The following LAMC3 variants were observed in gnomAD, a reference collection of about 807,000 sequenced individuals.
LAMC3 encodes the protein laminin subunit gamma 3.
In LAMC3, 128 loss-of-function variants were observed where a neutral mutation model predicts 173.8. The ratio of observed to expected loss-of-function variants is 0.74; its 90% confidence interval spans 0.64 to 0.85. The LOEUF is 0.85. Ranked by LOEUF, LAMC3 falls within the 40% of genes least tolerant of loss-of-function variation. The probability of loss-of-function intolerance (pLI) is 0.00; values close to 1 mark genes in which losing one functional copy is unlikely to be tolerated. For missense variants in LAMC3, 2,022 were observed against 2,156.0 expected (o/e 0.94, Z 1.23); for synonymous variants, 897 against 909.1 (o/e 0.99, Z 0.24).
intron 1 of LAMC3, among the ~76,000 whole-genome samples, chr9:131,012,198 TC>T (rs201632911): frequency 0.01 from 1,571 of 152,278 alleles, 13 homozygotes; most frequent in Middle Eastern, 0.02. Flanking sequence ...ACCTCCTCTG[TC>T]CTGTGCTCTG....
At position 131,066,995 on chromosome 9, in the gene LAMC3, G is replaced by T. The variant is rs1394430002; in HGVS notation, c.2383G>T (p.Gly795Trp). 1 of 1,613,922 alleles carries T rather than the reference G, an allele frequency of 6.2e-7. No homozygotes were observed. Among genetic ancestry groups the T allele is most frequent in the South Asian group, 1.1e-5 (1 of 91,078 alleles). Residue 795 changes from glycine (G) to tryptophan (W), a missense_variant, in exon 14 of 28, where the codon GGG becomes TGG. Transcript: ENST00000361069. ...RCEVCDDGFF[G>W]DPLGLFGHPQ... ...TGAGGTCTGTGATGATGGCTTTTTT[G>T]GGGACCCGCTGGGGCTCTTTGGGCA...
intron 11 of LAMC3, among the ~76,000 whole-genome samples, chr9:131,056,307 G>A (rs139409461): frequency 7.2e-5 from 11 of 152,140 alleles, no homozygotes; most frequent in Admixed American, 2.0e-4. Flanking sequence ...TTTCCTACAC[G>A]CCATCCTCCA....
At chr9:131,053,223 G>T (rs982400547) in intron 11 of LAMC3, among the ~76,000 whole-genome samples, 6 of 152,192 alleles carry the variant, frequency 3.9e-5, no homozygotes, top group Non-Finnish European at 7.3e-5. Context: ...TCAGAGGCAG[G>T]TGTGCGGCCA....
chr9:131,014,660 C>G (rs1024160055), intron 1 of LAMC3, among the ~76,000 whole-genome samples: 3 of 152,148 alleles, frequency 2.0e-5, no homozygotes, highest in African/African-American at 4.8e-5. Context: ...GTTGGTCAGG[C>G]GAATGAATGG....
intron 1 of LAMC3, among the ~76,000 whole-genome samples, chr9:131,016,247 G>A (rs1443427109): frequency 6.6e-6 from 1 of 152,152 alleles, no homozygotes; most frequent in South Asian, 2.1e-4. Flanking sequence ...CCAGGGGCTG[G>A]GGGAGGGGCA....
intron 15 of LAMC3, 77 bp from the exon 16 acceptor site, chr9:131,068,831 G>T (rs1829989327): frequency 5.8e-6 from 9 of 1,562,970 alleles, no homozygotes; most frequent in Non-Finnish European, 7.9e-6. Flanking sequence ...TGAGGCCCCA[G>T]CCAGCTGCAG....
At chr9:131,071,964 C>T (rs190689952) in intron 18 of LAMC3, among the ~76,000 whole-genome samples, 3 of 152,180 alleles carry the variant, frequency 2.0e-5, no homozygotes, top group East Asian at 1.9e-4. Context: ...GCACGGTGCT[C>T]AGCACATAGA....
chr9:131,087,894 C>A, intron 27 of LAMC3, 77 bp downstream of exon 27: 1 of 1,135,742 alleles, frequency 8.8e-7, no homozygotes, highest in Non-Finnish European at 1.3e-6. Context: ...GAGCTCCAGT[C>A]CTGGGGAAGA....
At chr9:131,059,364 T>C (rs1027768321) in intron 12 of LAMC3, among the ~76,000 whole-genome samples, 6 of 150,556 alleles carry the variant, frequency 4.0e-5, no homozygotes, top group East Asian at 2.0e-4. Flanking sequence ...TGGTGGCGGG[T>C]GCCTGTAATC....
chr9:131,009,186 C>CAGAGCGCGCGGCGTCGGT lies in LAMC3; in HGVS notation c.-28_-11dup. 1 of 1,182,992 alleles carries CAGAGCGCGCGGCGTCGGT rather than the reference C, an allele frequency of 8.5e-7. No individual in the cohort carries two copies. 73.3% of individuals were successfully genotyped at this position (1,182,992 alleles called of 1,614,324 possible). On this transcript the variant is annotated 5_prime_UTR_variant, in exon 1 of 28. Transcript: ENST00000361069. The surrounding 1 kb of genome is among the most constrained non-coding windows in gnomAD (Gnocchi z 4.3). ...GCCCACCCTAGCCGAGCGGGGCCGG[C>CAGAGCGCGCGGCGTCGGT]AGAGCGCGCGGCGTCGGTGCCCTTG...
At chr9:131,067,948 TCTGAATCTGGG>T in intron 14 of LAMC3, 119 bp from the exon 15 acceptor site, 1 of 1,008,772 alleles carries the variant, frequency 9.9e-7, no homozygotes, top group Non-Finnish European at 1.5e-6. Context: ...AGCAGTGGCG[TCTGAATCTGGG>T]CTGAATGTGC....
chr9:131,023,669 G>A (rs569162946), intron 1 of LAMC3, among the ~76,000 whole-genome samples: 3 of 152,064 alleles, frequency 2.0e-5, no homozygotes, highest in Admixed American at 6.5e-5. Flanking sequence ...GTGCAGTGGC[G>A]TGATCATGGC....
chr9:131,039,004 C>G lies in LAMC3; in HGVS notation c.1117C>G (p.His373Asp), dbSNP rs536941678. 3 of 1,613,682 alleles carry G rather than the reference C, an allele frequency of 1.9e-6. No individual in the cohort carries two copies. The East Asian group carries it at 6.7e-5, about 36-fold the overall frequency. Residue 373 changes from histidine (H) to aspartate (D), a missense_variant, in exon 5 of 28, where the codon CAC becomes GAC. Coordinates refer to ENST00000361069, the MANE Select transcript of LAMC3 (RefSeq NM_006059.4). ...HCERCQENFY[H>D]WDPRMPCQPC... is the part of the protein sequence containing the mutation. ...TGAGCGCTGTCAGGAGAATTTCTAT[C>G]ACTGGGACCCGCGGATGCCATGCCA...
chr9:131,085,768 G>A (rs1329924384), intron 25 of LAMC3, 45 bp downstream of exon 25: 1 of 1,589,836 alleles, frequency 6.3e-7, no homozygotes, highest in East Asian at 2.2e-5. Context: ...TCCCTCCCGG[G>A]GGGACCGCCC....
At chr9:131,068,300 C>T (rs1829977505) in intron 15 of LAMC3, 69 bp downstream of exon 15, 2 of 1,514,342 alleles carry the variant, frequency 1.3e-6, no homozygotes, top group African/African-American at 1.4e-5. Context: ...GGGCAGCCCC[C>T]AGGGAGGGGC....
At chr9:131,083,648 C>T (rs537850888) in intron 24 of LAMC3, among the ~76,000 whole-genome samples, 1 of 152,266 alleles carries the variant, frequency 6.6e-6, no homozygotes, top group South Asian at 2.1e-4. Context: ...AAACCTGCTT[C>T]ACTTTCAACT....
In LAMC3 at chr9:131,085,517, T is replaced by G; in HGVS notation, c.4031-7T>G. The stretch of plus-strand genomic sequence containing the variant: ...TTCCCCTGACCCAGCCTCAGCCGGG[T>G]TTGCAGGAATGAAGCTGCAGTTTCC... On this transcript the variant is annotated splice_region_variant and splice_polypyrimidine_tract_variant and intron_variant, in intron 24 of 27. Transcript: ENST00000361069. 1.2e-6 allele frequency: 2 copies of G among 1,613,488 alleles called. No individual in the cohort carries two copies. Among genetic ancestry groups the G allele is most frequent in the African/African-American group, 2.7e-5 (2 of 74,970 alleles).
chr9:131,059,512 A>G (rs1211532683), intron 12 of LAMC3, among the ~76,000 whole-genome samples: 1 of 139,444 alleles, frequency 7.2e-6, no homozygotes, highest in African/African-American at 2.8e-5. Context: ...AAAAAAAAAA[A>G]AAAAAAAGAC....
intron 1 of LAMC3, among the ~76,000 whole-genome samples, chr9:131,024,290 C>T (rs1224960515): frequency 2.0e-5 from 3 of 151,930 alleles, no homozygotes; most frequent in Admixed American, 1.3e-4. Context: ...GGATTACAGG[C>T]GCCCACCACC....
Sources: allele counts gnomAD v4.1 joint callset (sites outside exome capture counted in the v4.1 genomes callset), GRCh38; gene constraint gnomAD v4.1.1; non-coding constraint Gnocchi (gnomAD v3.1); transcripts MANE v1.5; gene names NCBI Gene and HGNC (gene_info 2026-07-23, HGNC 2026-07-21).